GRAMD1B: variants seen among roughly 807,000 people sequenced by gnomAD.
GRAMD1B encodes protein Aster-B.
GRAMD1B carries 37 observed loss-of-function variants against 99.7 expected under a neutral mutation model. The ratio of observed to expected loss-of-function variants is 0.37; its 90% confidence interval spans 0.29 to 0.49. The LOEUF (loss-of-function observed/expected upper bound fraction) is 0.49, where lower values mean the gene tolerates loss of function less well. GRAMD1B is among the 20% of genes least tolerant of loss of function. The pLI is 0.98. For synonymous variants in GRAMD1B, 427 were observed against 387.6 expected (o/e 1.10, Z -1.19); for missense variants, 888 against 1,009.2 (o/e 0.88, Z 1.63).
At chr11:123,488,990 A>G (rs1248002209) in intron 2 of GRAMD1B, among the ~76,000 whole-genome samples, 1 of 152,076 alleles carries the variant, frequency 6.6e-6, no homozygotes, top group African/African-American at 2.4e-5. Flanking sequence ...TAGATGGCCC[A>G]GGAACGGCAG....
chr11:123,470,651 A>G (rs1387492909), intron 1 of GRAMD1B, among the ~76,000 whole-genome samples: 1 of 151,852 alleles, frequency 6.6e-6, no homozygotes, highest in Non-Finnish European at 1.5e-5. Context: ...GTAAGAGAAC[A>G]CAAGAGCTTG....
intron 8 of GRAMD1B, among the ~76,000 whole-genome samples, chr11:123,602,458 G>C (rs1333335242): frequency 1.3e-5 from 2 of 152,106 alleles, no homozygotes; most frequent in African/African-American, 2.4e-5. Context: ...TGCCATGTTG[G>C]TGTGCTGCAC....
In GRAMD1B at chr11:123,610,327, G is replaced by C; in HGVS notation, c.1908G>C (p.Lys636Asn). Residue 636 changes from lysine (K) to asparagine (N), a missense_variant, in exon 14 of 20, where the codon AAG (lysine) becomes AAC (asparagine). Lys to Asn is a moderately conservative substitution (Grantham distance 94). Around this residue, in one of 5 missense-constraint regions of GRAMD1B, gnomAD observed 92 missense variants for 156.9 expected, o/e 0.59. Transcript: ENST00000635736. The surrounding 1 kb of genome is among the most constrained non-coding windows in gnomAD (Gnocchi z 4.1). ...CGCTCACCCGTGTGGCTCGGAACAA[G>C]AGCCGACTCAGGTGTGGTGTGTGGA... Reference protein sequence around the residue: ...RYTLTRVARNKSRLRVSTELR... With the variant: ...RYTLTRVARNNSRLRVSTELR... 6.2e-7 allele frequency: 1 copy of C among 1,613,984 alleles called. No homozygotes were observed. The highest frequency in any genetic ancestry group is 8.5e-7 in the Non-Finnish European group (1 of 1,179,886).
At chr11:123,459,791 A>C (rs1950326844) in intron 1 of GRAMD1B, 1 of 152,058 alleles carries the variant, frequency 6.6e-6, no homozygotes. Context: ...TCTGGAGGGC[A>C]GGGCTGGGTC....
At chr11:123,558,095 T>G (rs1794175) in intron 2 of GRAMD1B, among the ~76,000 whole-genome samples, 11,382 of 150,962 alleles carry the variant, frequency 0.075, 559 homozygotes, top group Non-Finnish European at 0.11. Flanking sequence ...GAGATTCTCC[T>G]GCCTCAGCCT....
intron 1 of GRAMD1B, among the ~76,000 whole-genome samples, chr11:123,385,599 A>C (rs1416465799): frequency 6.6e-6 from 1 of 152,072 alleles, no homozygotes; most frequent in Non-Finnish European, 1.5e-5. Flanking sequence ...GGCCCTTCCC[A>C]GCCCCACAAG....
At position 123,618,775 on chromosome 11, in the gene GRAMD1B, T is replaced by C. The variant is rs2137116243; in HGVS notation, c.2401T>C (p.Trp801Arg). ...ATACACCACGCAGACCCTCACTGCC[T>C]GGCAGGGTCTAAGGCTCCAAGAAAG... Reference protein sequence around the residue: ...LEYTTQTLTAWQGLRLQERLP... With the variant: ...LEYTTQTLTARQGLRLQERLP... Residue 801 changes from tryptophan to arginine, a missense_variant, in exon 18 of 20, where the codon TGG (tryptophan) becomes CGG (arginine). Around this residue, in one of 5 missense-constraint regions of GRAMD1B, gnomAD observed 232 missense variants for 261.7 expected, o/e 0.89. Coordinates refer to ENST00000635736, the MANE Select transcript of GRAMD1B (RefSeq NM_001387025.1). 1 of 1,564,754 alleles carries C rather than the reference T, an allele frequency of 6.4e-7. No individual in the cohort carries two copies. The highest frequency in any genetic ancestry group is 1.2e-5 in the South Asian group (1 of 85,692).
At chr11:123,495,365 G>A (rs1446467259) in intron 2 of GRAMD1B, among the ~76,000 whole-genome samples, 1 of 152,148 alleles carries the variant, frequency 6.6e-6, no homozygotes, top group Non-Finnish European at 1.5e-5. Context: ...AATAGTCACA[G>A]CATGGAAGAT....
chr11:123,496,651 G>A (rs1324599846), intron 2 of GRAMD1B, among the ~76,000 whole-genome samples: 2 of 150,100 alleles, frequency 1.3e-5, no homozygotes, highest in South Asian at 2.1e-4. Context: ...TTCTTTTGTC[G>A]CCTCTAACTG....
rs1940904817 is a variant in GRAMD1B, at chr11:123,510,682, A to C, written c.452+29789A>C. On this transcript the variant is annotated intron_variant, in intron 2 of 19. Transcript: ENST00000635736. The surrounding 1 kb of genome is among the most constrained non-coding windows in gnomAD (Gnocchi z 4.3). Reference sequence around the variant, plus strand: ...AGCAGAGATCATGGAGCCGGCTGACATGGCGACAGCAAAGGTAGGATGGAA... The same window carrying C: ...AGCAGAGATCATGGAGCCGGCTGACCTGGCGACAGCAAAGGTAGGATGGAA... 6.6e-6 allele frequency among the ~76,000 whole-genome samples: 1 copy of C among 152,166 alleles called. No homozygotes were observed. The highest frequency in any genetic ancestry group is 1.5e-5 in the Non-Finnish European group (1 of 68,034).
intron 2 of GRAMD1B, among the ~76,000 whole-genome samples, chr11:123,542,466 A>G (rs1944630721): frequency 6.6e-6 from 1 of 152,172 alleles, no homozygotes; most frequent in Non-Finnish European, 1.5e-5. Context: ...GCAGGCATGA[A>G]CTGTACTGGA....
intron 1 of GRAMD1B, among the ~76,000 whole-genome samples, chr11:123,470,065 C>T (rs1950933516): frequency 6.6e-6 from 1 of 152,124 alleles, no homozygotes. Context: ...TAGATAAGGA[C>T]ACCCTAGATG....
At chr11:123,523,836 G>A in intron 2 of GRAMD1B, among the ~76,000 whole-genome samples, 1 of 152,206 alleles carries the variant, frequency 6.6e-6, no homozygotes, top group East Asian at 1.9e-4. Flanking sequence ...TGTGCTGAAA[G>A]TATGGCCTGG....
At chr11:123,420,487 G>A (rs894755088) in intron 1 of GRAMD1B, among the ~76,000 whole-genome samples, 2 of 152,194 alleles carry the variant, frequency 1.3e-5, no homozygotes, top group African/African-American at 4.8e-5. Flanking sequence ...TTTCAAGGGA[G>A]TTCTGCTAAA....
At chr11:123,461,751 T>C (rs113706147) in intron 1 of GRAMD1B, among the ~76,000 whole-genome samples, 6,295 of 150,408 alleles carry the variant, frequency 0.042, 163 homozygotes, top group Middle Eastern at 0.072. Flanking sequence ...ATTACAGGTG[T>C]CCACCACCAC....
intron 13 of GRAMD1B, 32 bp downstream of exon 13, chr11:123,609,945 A>T: frequency 8.1e-7 from 1 of 1,233,986 alleles, no homozygotes; most frequent in Non-Finnish European, 1.2e-6. Context: ...CAGAAGAGCG[A>T]GCTGGAAAAT....
intron 1 of GRAMD1B, among the ~76,000 whole-genome samples, chr11:123,385,341 C>T (rs1947019589): frequency 6.6e-6 from 1 of 152,202 alleles, no homozygotes; most frequent in Admixed American, 6.6e-5. Flanking sequence ...CAATCATCCT[C>T]ATTGTTCTTG....
chr11:123,615,606 G>A (rs1007576199), intron 17 of GRAMD1B, among the ~76,000 whole-genome samples: 27 of 152,196 alleles, frequency 1.8e-4, no homozygotes, highest in African/African-American at 6.3e-4. Context: ...AGGAAGATGC[G>A]CTACTGATTC....
chr11:123,499,315 G>A (rs1939614098), intron 2 of GRAMD1B, among the ~76,000 whole-genome samples: 1 of 152,170 alleles, frequency 6.6e-6, no homozygotes, highest in South Asian at 2.1e-4. Context: ...TGGCTCCTTT[G>A]TCTTGAGAAC....
Sources: gnomAD v4.1 joint callset for allele counts (sites outside exome capture counted in the v4.1 genomes callset) on GRCh38, gnomAD v4.1.1 for gene constraint, gnomAD v4.1.1 regional missense constraint, Gnocchi (gnomAD v3.1) non-coding constraint, MANE v1.5 for transcripts, NCBI Gene and HGNC (gene_info 2026-07-23, HGNC 2026-07-21) for gene names.